BCAR1: variants seen among roughly 807,000 people sequenced by gnomAD.
The protein encoded by BCAR1 is breast cancer anti-estrogen resistance protein 1.
A neutral mutation model predicts 67.6 loss-of-function variants in BCAR1; 30 were observed. The ratio of observed to expected loss-of-function variants is 0.44; its 90% CI spans 0.33 to 0.60. The LOEUF is 0.60. Among genes scored for constraint, BCAR1 ranks in the 20% least tolerant of loss-of-function variants. The pLI is 0.02. For synonymous variants in BCAR1, 626 were observed against 556.7 expected (o/e 1.12, Z -1.75); for missense variants, 1,313 against 1,222.3 (o/e 1.07, Z -1.11).
chr16:75,252,660 G>A, upstream of BCAR1, among the ~76,000 whole-genome samples: 1 of 152,220 alleles, frequency 6.6e-6, no homozygotes, highest in East Asian at 1.9e-4. Flanking sequence ...ATGCCACGAG[G>A]CAGCCCTGGT....
upstream of BCAR1, chr16:75,252,204 C>T (rs374990647): frequency 2.0e-6 from 3 of 1,536,520 alleles, no homozygotes; most frequent in African/African-American, 4.1e-5. Context: ...GGCGAGCTCT[C>T]GACCCAGCGC....
chr16:75,241,845 G>A (rs559868363), intron 2 of BCAR1, among the ~76,000 whole-genome samples: 4 of 152,122 alleles, frequency 2.6e-5, no homozygotes, highest in Non-Finnish European at 5.9e-5. Flanking sequence ...TGGGAAGCGG[G>A]CTCAGGGTCT....
upstream of BCAR1, chr16:75,252,399 C>A: frequency 6.8e-7 from 1 of 1,476,666 alleles, no homozygotes; most frequent in Non-Finnish European, 9.0e-7. Flanking sequence ...GAGAGCGGCA[C>A]TGGGGGAATG....
At chr16:75,240,442 G>C (rs975221387) in intron 2 of BCAR1, among the ~76,000 whole-genome samples, 20 of 152,334 alleles carry the variant, frequency 1.3e-4, no homozygotes, top group African/African-American at 4.6e-4. Flanking sequence ...ACCCAGCAAA[G>C]TCCAAGGCGG....
At chr16:75,267,477 G>C (rs1326233684) in intron 1 of BCAR1, among the ~76,000 whole-genome samples, 1 of 150,694 alleles carries the variant, frequency 6.6e-6, no homozygotes, top group Non-Finnish European at 1.5e-5. Context: ...GGCCCTGCCC[G>C]TGCCCACCCG....
rs776991800 is a variant in BCAR1, at chr16:75,237,214, C to T, written c.764G>A (p.Arg255Gln). ...GCCATACTGGCTGGGAAGCAGCCCCCGAACCGGGGGCACATCATAGATGTC... is the reference window on the plus strand; with the variant it reads ...GCCATACTGGCTGGGAAGCAGCCCCTGAACCGGGGGCACATCATAGATGTC... The part of the protein sequence containing the change: ...PQDIYDVPPV[R>Q]GLLPSQYGQE... The change falls in exon 3 of 7, where the codon CGG (arginine) becomes CAG (glutamine). Residue 255 changes from arginine to glutamine, a missense_variant. Coordinates refer to ENST00000162330, the MANE Select transcript of BCAR1 (RefSeq NM_014567.5). The T allele has an allele frequency of 6.4e-6, 10 of 1,567,932 alleles. No individual in the cohort carries two copies. The highest frequency in any genetic ancestry group is 3.5e-5 in the South Asian group (3 of 85,574).
rs2077958880 is a variant in BCAR1 at position 75,264,168 on chromosome 16, A to C, written c.66+3747T>G. 20 of 1,328,374 alleles carry C rather than the reference A, an allele frequency of 1.5e-5. No individual in the cohort carries two copies. In the East Asian group the frequency reaches 5.5e-4, roughly 36 times the overall value. 82.3% of individuals were successfully genotyped at this position (1,328,374 alleles called of 1,614,324 possible). On this transcript the variant is annotated intron_variant, in intron 1 of 6. Coordinates refer to the BCAR1 transcript ENST00000393422. Reference sequence around the variant, plus strand: ...CTTGTTACAGATGAGGCACAGTGCCAAAGAAGGCTGCCCAAAGTCCTGTAA... The same window carrying C: ...CTTGTTACAGATGAGGCACAGTGCCCAAGAAGGCTGCCCAAAGTCCTGTAA...
intron 1 of BCAR1, among the ~76,000 whole-genome samples, chr16:75,259,587 T>C (rs565006605): frequency 6.6e-6 from 1 of 152,252 alleles, no homozygotes; most frequent in African/African-American, 2.4e-5. Flanking sequence ...GCGCGGTGGC[T>C]CACACCTGTA....
chr16:75,260,307 A>G (rs1203753057), intron 1 of BCAR1, among the ~76,000 whole-genome samples: 1 of 152,144 alleles, frequency 6.6e-6, no homozygotes, highest in Non-Finnish European at 1.5e-5. Flanking sequence ...TGTTATTTTG[A>G]TTCGATTGAT....
At chr16:75,265,926 G>T in intron 1 of BCAR1, 1 of 1,102,072 alleles carries the variant, frequency 9.1e-7, no homozygotes, top group Non-Finnish European at 1.1e-6. Flanking sequence ...CCCCGCGAGG[G>T]GTCCCGGCGC....
At chr16:75,251,386 G>C in intron 1 of BCAR1, 85 bp downstream of exon 1, 1 of 1,454,220 alleles carries the variant, frequency 6.9e-7, no homozygotes, top group Non-Finnish European at 9.1e-7. Flanking sequence ...CGCAGGTCCG[G>C]CAGGAAATGC....
In BCAR1 at chr16:75,242,564, T is replaced by C. The variant is rs1415317481; in HGVS notation, c.539A>G (p.Gln180Arg). ...GPGGPAQDIY[Q>R]VPPSAGMGHD... is the part of the protein sequence containing the mutation. ...CCCCATCCCGGCAGAAGGTGGCACC[T>C]GGTAAATATCCTGGGCAGGGCCTCC... Residue 180 changes from glutamine to arginine, a missense_variant, in exon 2 of 7, where the codon CAG becomes CGG. Transcript: ENST00000162330. 4.7e-6 allele frequency: 7 copies of C among 1,491,496 alleles called. No individual in the cohort carries two copies. The South Asian group carries it at 5.6e-5, about 12-fold the overall frequency. The allele number at this position is 1,491,496 out of a possible 1,614,324, so 92.4% of individuals were successfully genotyped here. A position where few individuals can be genotyped will look rare whatever the true frequency, so the allele number is the denominator to read the frequency against.
chr16:75,243,329 T>C (rs1333361324), intron 1 of BCAR1: 4 of 634,248 alleles, frequency 6.3e-6, no homozygotes, highest in Middle Eastern at 2.5e-4. Context: ...CAAAATCCTC[T>C]TGACCACTGT....
chr16:75,262,615 G>T (rs1219206871), intron 1 of BCAR1, among the ~76,000 whole-genome samples: 1 of 152,180 alleles, frequency 6.6e-6, no homozygotes, highest in Non-Finnish European at 1.5e-5. Context: ...TCTGTCCACT[G>T]CCTGGCTGCC....
intron 1 of BCAR1, among the ~76,000 whole-genome samples, chr16:75,257,140 C>T (rs1378257266): frequency 6.6e-6 from 1 of 152,176 alleles, no homozygotes; most frequent in African/African-American, 2.4e-5. Flanking sequence ...CACTGACTGG[C>T]CGGGTGGGCA....
intron 1 of BCAR1, among the ~76,000 whole-genome samples, chr16:75,261,180 A>G (rs1597286262): frequency 1.3e-5 from 2 of 152,328 alleles, no homozygotes; most frequent in East Asian, 3.9e-4. Context: ...GAGGGAGACA[A>G]TGGCCCAGCA....
chr16:75,241,738 GC>G (rs2077349797), intron 2 of BCAR1, among the ~76,000 whole-genome samples: 2 of 152,180 alleles, frequency 1.3e-5, no homozygotes, highest in Non-Finnish European at 2.9e-5. Flanking sequence ...TGCCCAGCTG[GC>G]ACCAATGAGG....
rs769573402 is a variant in BCAR1 at position 75,264,485 on chromosome 16, A to C, written c.66+3430T>G. 70 of 1,454,582 alleles carry C rather than the reference A, an allele frequency of 4.8e-5. 1 individual carries two copies. The South Asian group carries it at 8.9e-4, about 18-fold the overall frequency. 90.1% of individuals were successfully genotyped at this position (1,454,582 alleles called of 1,614,324 possible). ...CAGGAGAGCAGAACAGAAGAGAGGA[A>C]GGGCTTGGCAGGCATGTTCTGTCTT... is the stretch of plus-strand genomic sequence containing the variant. On this transcript the variant is annotated intron_variant, in intron 1 of 6. Coordinates refer to the BCAR1 transcript ENST00000393422.
intron 1 of BCAR1, among the ~76,000 whole-genome samples, chr16:75,260,773 A>C (rs1273395255): frequency 6.6e-6 from 1 of 152,192 alleles, no homozygotes; most frequent in Non-Finnish European, 1.5e-5. Context: ...CATTACAAAT[A>C]CCAAAAATAG....
Sources: allele counts gnomAD v4.1 joint callset (sites outside exome capture counted in the v4.1 genomes callset), GRCh38; gene constraint gnomAD v4.1.1; transcripts MANE v1.5; gene names NCBI Gene and HGNC (gene_info 2026-07-23, HGNC 2026-07-21).